The following FCRL2 variants were observed in gnomAD, a reference collection of about 807,000 sequenced individuals.
FCRL2 encodes Fc receptor like 2.
A neutral mutation model predicts 59.8 loss-of-function variants in FCRL2; 48 were observed. The ratio of observed to expected loss-of-function variants is 0.80; its 90% CI spans 0.64 to 1.02. The LOEUF is 1.02. Among genes scored for constraint, FCRL2 ranks in the 50% least tolerant of loss-of-function variants. The pLI is 0.00. For synonymous variants in FCRL2, 251 were observed against 229.5 expected (o/e 1.09, Z -0.85); for missense variants, 658 against 597.3 (o/e 1.10, Z -1.06).
intron 7 of FCRL2, among the ~76,000 whole-genome samples, chr1:157,753,577 T>C (rs1399044301): frequency 6.6e-6 from 1 of 152,194 alleles, no homozygotes; most frequent in Non-Finnish European, 1.5e-5. Flanking sequence ...AGTACATTGA[T>C]GTATTCACCA....
At chr1:157,769,807 A>G in intron 4 of FCRL2, 59 bp downstream of exon 4, 1 of 1,557,000 alleles carries the variant, frequency 6.4e-7, no homozygotes, top group Non-Finnish European at 8.8e-7. Context: ...TAGTAGTCCA[A>G]GCTGAAGCTA....
At chr1:157,748,275 G>A (rs1647906965) in intron 10 of FCRL2, among the ~76,000 whole-genome samples, 1 of 152,010 alleles carries the variant, frequency 6.6e-6, no homozygotes, top group African/African-American at 2.4e-5. Flanking sequence ...GCTGGGCGTG[G>A]TGGCGCATGC....
chr1:157,765,457 C>T (rs983110385), intron 7 of FCRL2, among the ~76,000 whole-genome samples: 3 of 152,134 alleles, frequency 2.0e-5, no homozygotes, highest in African/African-American at 7.2e-5. Flanking sequence ...ATAGAATTAC[C>T]CTGATACCAA....
intron 7 of FCRL2, among the ~76,000 whole-genome samples, chr1:157,757,787 C>T (rs1413897952): frequency 6.6e-6 from 1 of 152,224 alleles, no homozygotes; most frequent in Non-Finnish European, 1.5e-5. Context: ...ACAGTGAAAC[C>T]CCGTCTCTAC....
intron 2 of FCRL2, among the ~76,000 whole-genome samples, chr1:157,772,127 G>T (rs1415780997): frequency 6.6e-6 from 1 of 150,810 alleles, no homozygotes; most frequent in Non-Finnish European, 1.5e-5. Context: ...ATGGATACTA[G>T]ATCTCATGGA....
chr1:157,764,637 A>G (rs746124858), intron 7 of FCRL2, among the ~76,000 whole-genome samples: 36 of 152,346 alleles, frequency 2.4e-4, no homozygotes, highest in Non-Finnish European at 4.4e-4. Context: ...TCAGACCACA[A>G]GGAAATGAAG....
In FCRL2 at chr1:157,745,962, G is replaced by A. The variant is rs190364671; in HGVS notation, c.*774C>T. 3 of 152,150 alleles carry A rather than the reference G, an allele frequency of 2.0e-5. No homozygotes were observed. The highest frequency in any genetic ancestry group is 1.9e-4 in the East Asian group (1 of 5,168). The allele number at this position is 152,150 out of a possible 1,614,324, so 9.4% of individuals were successfully genotyped here. ...TATAAGTTATGTTTACACTCAAGTC[G>A]ATGCACATAAAGAAGAAAATCTGGA... On this transcript the variant is annotated 3_prime_UTR_variant, in exon 12 of 12. Coordinates refer to ENST00000361516, the MANE Select transcript of FCRL2 (RefSeq NM_030764.4).
intron 7 of FCRL2, among the ~76,000 whole-genome samples, chr1:157,763,442 T>A (rs11264816): frequency 0.22 from 33,526 of 151,754 alleles, 3,783 homozygotes; most frequent in Non-Finnish European, 0.24. Context: ...AGAGAATCTC[T>A]TGAACCCGAG....
At chr1:157,749,558 C>T (rs1172348740) in intron 8 of FCRL2, 92 bp downstream of exon 8, 4 of 841,958 alleles carry the variant, frequency 4.8e-6, no homozygotes, top group Non-Finnish European at 7.7e-6. Flanking sequence ...TACATAGCTT[C>T]AGTCTCAACG....
chr1:157,751,195 T>C (rs1205763492), intron 7 of FCRL2, among the ~76,000 whole-genome samples: 9 of 152,168 alleles, frequency 5.9e-5, no homozygotes, highest in Non-Finnish European at 1.2e-4. Flanking sequence ...TATTGGTAGA[T>C]CAAATAATAA....
chr1:157,767,997 C>T, intron 5 of FCRL2: 1 of 245,632 alleles, frequency 4.1e-6, no homozygotes, highest in African/African-American at 2.3e-5. Context: ...CAGTAAATCA[C>T]CAATAACATG....
rs150182179 is a variant in FCRL2 at position 157,756,061 on chromosome 1, T to C, written c.1280-6384A>G. 3.9e-3 allele frequency among the ~76,000 whole-genome samples: 590 copies of C among 152,294 alleles called. 3 individuals are homozygous for C. The highest frequency in any genetic ancestry group is 6.2e-3 in the Non-Finnish European group (421 of 68,032). On this transcript the variant is annotated intron_variant, in intron 7 of 11. Transcript: ENST00000361516. ...CTCTGAAAGGGACTATGTTAATAGT[T>C]TATTTTAGTTTATTTTAGGTTGACA...
At chr1:157,770,324 G>A in intron 3 of FCRL2, 85 bp downstream of exon 3, 1 of 1,505,754 alleles carries the variant, frequency 6.6e-7, no homozygotes, top group Admixed American at 1.9e-5. Context: ...TTTAGCCCAT[G>A]AGCAGCTTTC....
intron 10 of FCRL2, among the ~76,000 whole-genome samples, chr1:157,747,132 A>T (rs777111794): frequency 3.3e-5 from 5 of 152,226 alleles, no homozygotes; most frequent in Non-Finnish European, 7.3e-5. Context: ...TCTCTAATGC[A>T]ACTTCCCATA....
At chr1:157,758,300 G>A (rs192155743) in intron 7 of FCRL2, among the ~76,000 whole-genome samples, 15 of 152,230 alleles carry the variant, frequency 9.9e-5, no homozygotes, top group Admixed American at 4.6e-4. Flanking sequence ...GCAGAGAGGG[G>A]TAAAGAAGCG....
Position 157,748,598 on chromosome 1 carries a change from C to T in FCRL2, c.1414G>A (p.Val472Met), listed in dbSNP as rs370742052. 5 of 1,613,878 alleles carry T rather than the reference C, an allele frequency of 3.1e-6. No individual in the cohort carries two copies. The highest frequency in any genetic ancestry group is 1.3e-5 in the African/African-American group (1 of 74,928). The part of the protein sequence containing the change: ...YVNVGSVDVD[V>M]VYSQVWSMQQ... Reference sequence around the variant, plus strand: ...ATGCTCCAGACCTGAGAATAAACCACATCCACATCTACAGAGCCCACTGCA... The same window carrying T: ...ATGCTCCAGACCTGAGAATAAACCATATCCACATCTACAGAGCCCACTGCA... Residue 472 changes from valine to methionine, a missense_variant, in exon 10 of 12, where the codon GTG (valine) becomes ATG (methionine). Physicochemically the swap from Val to Met is conservative, Grantham distance 21. Transcript: ENST00000361516.
rs1199242491 is a variant in FCRL2 at position 157,765,953 on chromosome 1, G to A, written c.1279+902C>T. Among the ~76,000 whole-genome samples the A allele has an allele frequency of 5.3e-5, 8 of 152,300 alleles. No homozygotes were observed. In the South Asian group the frequency reaches 1.0e-3, roughly 20 times the overall value. ...CTGACTACTTTAAGGTCATCATGCT[G>A]TGAGGAAATCCAGGCCATGTTGAGA... On this transcript the variant is annotated intron_variant, in intron 7 of 11. Transcript: ENST00000361516.
chr1:157,749,045 G>A (rs6662117), intron 8 of FCRL2, 85 bp from the exon 9 acceptor site: 196,539 of 1,188,472 alleles, frequency 0.17, 16,708 homozygotes, highest in East Asian at 0.23. Flanking sequence ...GAGAGCAGGT[G>A]GAAGCCCTGC....
intron 2 of FCRL2, among the ~76,000 whole-genome samples, chr1:157,770,965 G>C (rs946223042): frequency 6.6e-6 from 1 of 152,106 alleles, no homozygotes; most frequent in Non-Finnish European, 1.5e-5. Flanking sequence ...TTGTGATGAC[G>C]GCCATCTTCT....
Sources: allele counts gnomAD v4.1 joint callset (sites outside exome capture counted in the v4.1 genomes callset), GRCh38; gene constraint gnomAD v4.1.1; transcripts MANE v1.5; gene names NCBI Gene and HGNC (gene_info 2026-07-23, HGNC 2026-07-21).